Variants in ADAD1 observed in about 807,000 individuals in gnomAD.
The protein encoded by ADAD1 is adenosine deaminase domain-containing protein 1.
A neutral mutation model predicts 66.8 loss-of-function variants in ADAD1; 46 were observed. The ratio of observed to expected loss-of-function variants is 0.69; its 90% CI spans 0.54 to 0.88. The LOEUF (loss-of-function observed/expected upper bound fraction) is 0.88, where lower values mean the gene tolerates loss of function less well. ADAD1 is among the 40% of genes least tolerant of loss of function. The probability of loss-of-function intolerance (pLI) is 0.00; values close to 1 mark genes in which losing one functional copy is unlikely to be tolerated. For synonymous variants in ADAD1, 248 were observed against 229.4 expected, an observed-to-expected ratio of 1.08 and a Z score of -0.73; for missense variants, 617 against 681.8, an observed-to-expected ratio of 0.91 and a Z score of 1.06.
intron 7 of ADAD1, among the ~76,000 whole-genome samples, chr4:122,406,801 C>T (rs909748361): frequency 9.2e-5 from 14 of 152,028 alleles, no homozygotes; most frequent in South Asian, 2.1e-4. Flanking sequence ...CCCTTTGTCT[C>T]GCTGGTGCTG....
rs1422332326 is a variant in ADAD1 at position 122,402,232 on chromosome 4, CTT to C, written c.725-5674_725-5673del. 1.1e-4 allele frequency among the ~76,000 whole-genome samples: 17 copies of C among 152,104 alleles called. No individual in the cohort carries two copies. The South Asian group carries it at 3.3e-3, about 30-fold the overall frequency. On this transcript the variant is annotated intron_variant, in intron 7 of 12. Coordinates refer to ENST00000296513, the MANE Select transcript of ADAD1 (RefSeq NM_139243.4). Reference sequence around the variant, plus strand: ...TTAGCATTTGTTTGTCTGAAAAAGACTTTATCTTTCCTTCATTCATGAAGCTC... The same window carrying C: ...TTAGCATTTGTTTGTCTGAAAAAGACTATCTTTCCTTCATTCATGAAGCTC...
chr4:122,395,771 A>G (rs923800717), intron 6 of ADAD1, among the ~76,000 whole-genome samples: 11 of 152,154 alleles, frequency 7.2e-5, no homozygotes, highest in African/African-American at 2.7e-4. Context: ...CTCTTTCAAA[A>G]TTTCTGTCTT....
rs1328966325 is a variant in ADAD1 at position 122,407,995 on chromosome 4, C to T, written c.812C>T (p.Thr271Ile). ...CCAGATGGAAGAGTATTGCATGACA[C>T]TCATGCTGTTGTTACAGCAAGAAGG... ...IKPDGRVLHDTHAVVTARRSL... is the reference protein window; with the variant it reads ...IKPDGRVLHDIHAVVTARRSL... The change falls in exon 8 of 13, where the codon ACT becomes ATT. Residue 271 changes from threonine (T) to isoleucine (I), a missense_variant. Coordinates refer to ENST00000296513, the MANE Select transcript of ADAD1 (RefSeq NM_139243.4). 1.2e-6 allele frequency: 2 copies of T among 1,613,458 alleles called. No homozygotes were observed. Among genetic ancestry groups the T allele is most frequent in the East Asian group, 2.2e-5 (1 of 44,826 alleles).
At chr4:122,384,071 A>T in intron 5 of ADAD1, 105 bp downstream of exon 5, 2 of 1,058,922 alleles carry the variant, frequency 1.9e-6, no homozygotes, top group Non-Finnish European at 2.7e-6. Context: ...TACAAGATAG[A>T]AGTTGCAGGA....
At position 122,380,235 on chromosome 4, in the gene ADAD1, G is replaced by A. The variant is rs1486374484; in HGVS notation, c.166G>A (p.Val56Ile). The change falls in exon 3 of 13, where the codon GTA becomes ATA. Residue 56 changes from valine to isoleucine, a missense_variant. Transcript: ENST00000296513. ...CAAGATGGCATCCAAGGTTACGCAA[G>A]TAACGGGTACGACTTTTTTCATTTG... ...LSKMASKVTQ[V>I]TGNFPEPLLS... 6.2e-7 allele frequency: 1 copy of A among 1,606,288 alleles called. No individual in the cohort carries two copies. The highest frequency in any genetic ancestry group is 2.2e-5 in the East Asian group (1 of 44,856).
At chr4:122,425,761 A>G (rs1797205088) in intron 12 of ADAD1, among the ~76,000 whole-genome samples, 1 of 151,986 alleles carries the variant, frequency 6.6e-6, no homozygotes, top group Admixed American at 6.6e-5. Context: ...ATACCATGCC[A>G]TTTTATATAA....
intron 5 of ADAD1, among the ~76,000 whole-genome samples, chr4:122,388,360 A>G (rs1795275467): frequency 6.6e-6 from 1 of 152,140 alleles, no homozygotes; most frequent in South Asian, 2.1e-4. Context: ...TGGTTTTAGT[A>G]TCAGGATGAT....
At chr4:122,418,306 C>CTTTT (rs10527795) in intron 11 of ADAD1, among the ~76,000 whole-genome samples, 6 of 94,644 alleles carry the variant, frequency 6.3e-5, no homozygotes, top group East Asian at 3.7e-4. Context: ...ACGTTATTTT[C>CTTTT]TTTTTTTTTT....
intron 8 of ADAD1, 93 bp downstream of exon 8, chr4:122,408,124 A>G (rs1796300517): frequency 1.2e-5 from 16 of 1,346,346 alleles, no homozygotes; most frequent in East Asian, 2.6e-5. Context: ...ATGGAATTTT[A>G]TTGATCATAG....
At position 122,381,110 on chromosome 4, in the gene ADAD1, T is replaced by A. The variant is rs776546180; in HGVS notation, c.291T>A (p.Pro97=). The change falls in exon 4 of 13, where the codon CCT becomes CCA. Residue 97 remains proline, a synonymous_variant. Coordinates refer to ENST00000296513, the MANE Select transcript of ADAD1 (RefSeq NM_139243.4). ...IMKYKRGEIN[P]VSALHQFAQM... ...AATACAAACGTGGAGAGATAAATCC[T>A]GTGTCAGCCTTGCACCAGTTTGCAC... The A allele has an allele frequency of 3.1e-6, 5 of 1,604,980 alleles. No homozygotes were observed. Among genetic ancestry groups the A allele is most frequent in the South Asian group, 1.1e-5 (1 of 88,404 alleles).
At chr4:122,416,973 A>C (rs62321751) in intron 11 of ADAD1, among the ~76,000 whole-genome samples, 7,489 of 152,276 alleles carry the variant, frequency 0.049, 260 homozygotes, top group Non-Finnish European at 0.074. Context: ...ATGGCATAAC[A>C]AGATGAAATT....
chr4:122,380,529 T>C, intron 3 of ADAD1: 2 of 403,824 alleles, frequency 5.0e-6, no homozygotes, highest in South Asian at 7.3e-5. Context: ...GGACTTACAC[T>C]GGTCTGTATT....
Position 122,407,915 on chromosome 4 carries a change from A to G in ADAD1, c.732A>G (p.Gln244=), listed in dbSNP as rs1184235172. ...TCTACCTTTTTCTTTCAGCTGGACA[A>G]CATGAGGTTGTAGCTATAGGCACAG... The part of the protein sequence containing the change: ...LAAFIIERAG[Q]HEVVAIGTGE... The change falls in exon 8 of 13, where the codon CAA becomes CAG. Residue 244 remains glutamine (Q), a synonymous_variant. Transcript: ENST00000296513. 7 of 1,613,306 alleles carry G rather than the reference A, an allele frequency of 4.3e-6. No individual in the cohort carries two copies. Among genetic ancestry groups the G allele is most frequent in the African/African-American group, 1.3e-5 (1 of 75,032 alleles).
intron 11 of ADAD1, among the ~76,000 whole-genome samples, chr4:122,416,009 C>A (rs1796717333): frequency 6.6e-6 from 1 of 152,106 alleles, no homozygotes; most frequent in African/African-American, 2.4e-5. Flanking sequence ...ATCTGGGACT[C>A]AGGAATTATA....
intron 3 of ADAD1, 120 bp from the exon 4 acceptor site, chr4:122,380,872 G>T: frequency 1.1e-6 from 1 of 931,762 alleles, no homozygotes; most frequent in Non-Finnish European, 1.6e-6. Flanking sequence ...AGAAACTTAA[G>T]AAAAACATAT....
In ADAD1 at chr4:122,412,808, T is replaced by G. The variant is rs1796526610; in HGVS notation, c.1248T>G (p.Ile416Met). The change falls in exon 10 of 13, where the codon ATT (isoleucine) becomes ATG (methionine). Residue 416 changes from isoleucine (I) to methionine (M), a missense_variant and splice_region_variant. Physicochemically the swap from Ile to Met is conservative, Grantham distance 10 (BLOSUM62 1). Transcript: ENST00000296513. ...CAGTTTACATCAGCAGTATACTTAT[T>G]GGTGAGTGGGATTTCAGAACCTCCT... ...IQPVYISSIL[I>M]GDGNCSDTRG... 1 of 1,612,572 alleles carries G rather than the reference T, an allele frequency of 6.2e-7. No individual in the cohort carries two copies.
chr4:122,379,438 C>A lies in ADAD1; in HGVS notation c.-16C>A, dbSNP rs765491141. 5 of 152,484 alleles carry A rather than the reference C, an allele frequency of 3.3e-5. No individual in the cohort carries two copies. The highest frequency in any genetic ancestry group is 6.5e-5 in the Admixed American group (1 of 15,294). The allele number at this position is 152,484 out of a possible 1,614,324, so 9.4% of individuals were successfully genotyped here. On this transcript the variant is annotated 5_prime_UTR_variant, in exon 2 of 13. Transcript: ENST00000296513. Reference sequence around the variant, plus strand: ...AGCGCGGGGGCAAGAGCGCCGGCCTCCGAGACGGTTAGTGATTGGACGAAG... The same window carrying A: ...AGCGCGGGGGCAAGAGCGCCGGCCTACGAGACGGTTAGTGATTGGACGAAG...
At chr4:122,388,234 A>AT (rs1451531073) in intron 5 of ADAD1, among the ~76,000 whole-genome samples, 1 of 152,190 alleles carries the variant, frequency 6.6e-6, no homozygotes, top group Non-Finnish European at 1.5e-5. Flanking sequence ...ATTGTGGTGA[A>AT]TAAGTTTTTT....
chr4:122,393,094 T>G (rs1485721119), intron 5 of ADAD1, among the ~76,000 whole-genome samples: 3 of 150,962 alleles, frequency 2.0e-5, no homozygotes, highest in Non-Finnish European at 4.4e-5. Context: ...TTTTCTGTAC[T>G]CCCTAACTTT....
Sources: gnomAD v4.1 joint callset for allele counts (sites outside exome capture counted in the v4.1 genomes callset) on GRCh38, gnomAD v4.1.1 for gene constraint, MANE v1.5 for transcripts, NCBI Gene and HGNC (gene_info 2026-07-23, HGNC 2026-07-21) for gene names.